Variants in SLC7A6 observed in about 807,000 individuals in gnomAD.
SLC7A6 encodes solute carrier family 7 member 6.
In SLC7A6, 29 loss-of-function variants were observed where a neutral mutation model predicts 46.6. The observed-to-expected ratio is 0.62, with a 90% CI of 0.46 to 0.85. The LOEUF (loss-of-function observed/expected upper bound fraction) is 0.85, where lower values mean the gene tolerates loss of function less well. Ranked by LOEUF, SLC7A6 falls within the 40% of genes least tolerant of loss-of-function variation. SLC7A6 has a pLI of 0.00. For missense variants in SLC7A6, 527 were observed against 647.6 expected (o/e 0.81, Z 2.02); for synonymous variants, 276 against 257.3 (o/e 1.07, Z -0.70).
chr16:68,291,941 C>A lies in SLC7A6; in HGVS notation c.1022+280C>A, dbSNP rs1015737179. ...ATAGCTCATATTTATGTGCTGGTAG[C>A]TCATATTTTGTGTGCTGGTAGCTCA... On this transcript the variant is annotated intron_variant, in intron 7 of 10. Transcript: ENST00000219343. The A allele has an allele frequency of 1.9e-5, 7 of 363,246 alleles. No individual in the cohort carries two copies. The Admixed American group carries it at 2.7e-4, about 14-fold the overall frequency. 22.5% of individuals were successfully genotyped at this position (363,246 alleles called of 1,614,324 possible).
chr16:68,268,657 G>C (rs1447880304), intron 2 of SLC7A6, among the ~76,000 whole-genome samples: 2 of 152,188 alleles, frequency 1.3e-5, no homozygotes, highest in Non-Finnish European at 2.9e-5. Context: ...TTGGTAGTCT[G>C]TTAAATTCCT....
rs1451970457 is a variant in SLC7A6, at chr16:68,301,454, A to ACTGCAGGAGCCCCTTCT, written c.*4129_*4145dup. ...ATTCTAAATGTGATTTTCCTAGGCT[A>ACTGCAGGAGCCCCTTCT]CTGCAGGAGCCCCTTCTCTTCTCAG... On this transcript the variant is annotated 3_prime_UTR_variant, in exon 11 of 11. Transcript: ENST00000219343. 6.4e-7 allele frequency: 1 copy of ACTGCAGGAGCCCCTTCT among 1,560,214 alleles called. No individual in the cohort carries two copies. Among genetic ancestry groups the ACTGCAGGAGCCCCTTCT allele is most frequent in the Non-Finnish European group, 8.8e-7 (1 of 1,138,770 alleles).
intron 2 of SLC7A6, among the ~76,000 whole-genome samples, chr16:68,266,960 T>C (rs1411152587): frequency 2.0e-5 from 3 of 151,874 alleles, no homozygotes; most frequent in Non-Finnish European, 4.4e-5. Flanking sequence ...TTGGAGACAG[T>C]GTCTCACTCT....
chr16:68,297,558 G>T lies in SLC7A6; in HGVS notation c.*230G>T. The stretch of plus-strand genomic sequence containing the variant: ...TGGGGGGAAGATTGGGGAACGGGGG[G>T]AATGGTCATTTAGTTTTACTCCTGA... On this transcript the variant is annotated 3_prime_UTR_variant, in exon 11 of 11. Coordinates refer to ENST00000219343, the MANE Select transcript of SLC7A6 (RefSeq NM_003983.6). The T allele has an allele frequency of 2.8e-6, 1 of 356,896 alleles. No homozygotes were observed. The highest frequency in any genetic ancestry group is 5.1e-6 in the Non-Finnish European group (1 of 195,568). 22.1% of individuals were successfully genotyped at this position (356,896 alleles called of 1,614,324 possible).
chr16:68,293,760 G>A (rs566956483), intron 7 of SLC7A6, among the ~76,000 whole-genome samples: 5 of 152,258 alleles, frequency 3.3e-5, no homozygotes, highest in South Asian at 4.1e-4. Context: ...TCCACCTACC[G>A]ACTTGCTTCT....
At chr16:68,293,381 G>A (rs912235342) in intron 7 of SLC7A6, among the ~76,000 whole-genome samples, 18 of 152,174 alleles carry the variant, frequency 1.2e-4, no homozygotes, top group East Asian at 9.6e-4. Context: ...CCGAGATCGC[G>A]CCATTGAACT....
rs142221074 is a variant in SLC7A6, at chr16:68,266,392, C to T, written c.-165-201C>T. Among the ~76,000 whole-genome samples the T allele has an allele frequency of 1.4e-4, 22 of 152,342 alleles. No individual in the cohort carries two copies. In the East Asian group the frequency reaches 2.1e-3, roughly 15 times the overall value. ...TTGGGCTGGCTACTTCAGTTATACC[C>T]ACCCTGTGGGTGTCATGGAACCTGC... is the stretch of plus-strand genomic sequence containing the variant. On this transcript the variant is annotated intron_variant, in intron 1 of 10. Transcript: ENST00000219343.
intron 2 of SLC7A6, 144 bp from the exon 3 acceptor site, chr16:68,274,547 T>C: frequency 3.1e-6 from 2 of 653,012 alleles, no homozygotes; most frequent in South Asian, 3.9e-5. Flanking sequence ...CTGTGTTCTA[T>C]GGTGGGAACT....
In SLC7A6 at chr16:68,275,152, C is replaced by G. The variant is rs1416657452; in HGVS notation, c.426C>G (p.Ile142Met). The G allele has an allele frequency of 1.2e-6, 2 of 1,614,036 alleles. No individual in the cohort carries two copies. Among genetic ancestry groups the G allele is most frequent in the African/African-American group, 2.7e-5 (2 of 74,890 alleles). ...LLVVEPTGQA[I>M]IAITFANYII... ...TTGTTGAGCCCACCGGTCAGGCCAT[C>G]ATCGCCATCACCTTTGCCAACTACA... is the stretch of plus-strand genomic sequence containing the variant. The change falls in exon 3 of 11, where the codon ATC becomes ATG. Residue 142 changes from isoleucine (I) to methionine (M), a missense_variant. Physicochemically the swap from Ile to Met is conservative, Grantham distance 10. Transcript: ENST00000219343.
chr16:68,299,999 A>C lies in SLC7A6; in HGVS notation c.*2671A>C, dbSNP rs551056535. On this transcript the variant is annotated 3_prime_UTR_variant, in exon 11 of 11. Coordinates refer to ENST00000219343, the MANE Select transcript of SLC7A6 (RefSeq NM_003983.6). ...GAAGGAGAGATACTTAGGAAATCCT[A>C]AAAGAGGCGGCAAGAAGGTACCTCC... is the stretch of plus-strand genomic sequence containing the variant. 6.6e-6 allele frequency: 1 copy of C among 152,310 alleles called. No homozygotes were observed. The highest frequency in any genetic ancestry group is 2.1e-4 in the South Asian group (1 of 4,826). 9.4% of individuals were successfully genotyped at this position (152,310 alleles called of 1,614,324 possible). A position where few individuals can be genotyped will look rare whatever the true frequency, so the allele number is the denominator to read the frequency against.
At position 68,300,209 on chromosome 16, in the gene SLC7A6, G is replaced by A. The variant is rs1035258900; in HGVS notation, c.*2881G>A. ...ATTAAAAGCTCAGTTTCTCAGTTGCGCTAATCACATTTCAAGTGCTCAGCA... is the reference window on the plus strand; with the variant it reads ...ATTAAAAGCTCAGTTTCTCAGTTGCACTAATCACATTTCAAGTGCTCAGCA... On this transcript the variant is annotated 3_prime_UTR_variant, in exon 11 of 11. Coordinates refer to ENST00000219343, the MANE Select transcript of SLC7A6 (RefSeq NM_003983.6). The A allele has an allele frequency of 6.6e-6, 1 of 152,164 alleles. No homozygotes were observed. The highest frequency in any genetic ancestry group is 2.1e-4 in the South Asian group (1 of 4,828). 9.4% of individuals were successfully genotyped at this position (152,164 alleles called of 1,614,324 possible). A position where few individuals can be genotyped will look rare whatever the true frequency, so the allele number is the denominator to read the frequency against.
At chr16:68,275,909 C>T (rs1363888032) in intron 3 of SLC7A6, among the ~76,000 whole-genome samples, 1 of 151,966 alleles carries the variant, frequency 6.6e-6, no homozygotes, top group Non-Finnish European at 1.5e-5. Flanking sequence ...CAGAAAAAAA[C>T]CCCACCAGTG....
chr16:68,278,960 C>T lies in SLC7A6; in HGVS notation c.523+3711C>T, dbSNP rs909291907. Among the ~76,000 whole-genome samples, 10 of 151,904 alleles carry T rather than the reference C, an allele frequency of 6.6e-5. No homozygotes were observed. In the South Asian group the frequency reaches 8.3e-4, roughly 13 times the overall value. ...AGGCGCCCCCCACCTCCCTCCCGGA[C>T]AGGGCGGCTGGCCGGGCAGGGGCTG... On this transcript the variant is annotated intron_variant, in intron 3 of 10. Coordinates refer to ENST00000219343, the MANE Select transcript of SLC7A6 (RefSeq NM_003983.6).
chr16:68,289,369 A>G (rs2043002224), intron 4 of SLC7A6, among the ~76,000 whole-genome samples: 1 of 152,198 alleles, frequency 6.6e-6, no homozygotes, highest in South Asian at 2.1e-4. Flanking sequence ...CTGTGTACTT[A>G]TATCAAGTTA....
At chr16:68,291,506 AG>A (rs1420327061) in intron 6 of SLC7A6, 51 bp from the exon 7 acceptor site, 1 of 1,594,308 alleles carries the variant, frequency 6.3e-7, no homozygotes, top group African/African-American at 1.3e-5. Flanking sequence ...TAGATGCAGG[AG>A]GATTATGAAA....
chr16:68,300,693 A>C lies in SLC7A6; in HGVS notation c.*3365A>C. On this transcript the variant is annotated 3_prime_UTR_variant, in exon 11 of 11. Coordinates refer to ENST00000219343, the MANE Select transcript of SLC7A6 (RefSeq NM_003983.6). ...TGTTTCTTGGCCCCACTGCCAAAGGAAGTCAGTCAGTAATTTCACAACCGT... is the reference window on the plus strand; with the variant it reads ...TGTTTCTTGGCCCCACTGCCAAAGGCAGTCAGTCAGTAATTTCACAACCGT... The C allele has an allele frequency of 5.1e-6, 5 of 985,476 alleles. No individual in the cohort carries two copies. The highest frequency in any genetic ancestry group is 4.8e-6 in the Non-Finnish European group (4 of 829,950). The allele number at this position is 985,476 out of a possible 1,614,324, so 61.0% of individuals were successfully genotyped here. A position where few individuals can be genotyped will look rare whatever the true frequency, so the allele number is the denominator to read the frequency against.
chr16:68,290,238 T>C (rs963200705), intron 4 of SLC7A6, 158 bp from the exon 5 acceptor site: 2 of 728,334 alleles, frequency 2.7e-6, no homozygotes, highest in African/African-American at 3.6e-5. Context: ...CTTCTTGTTT[T>C]TTCTTTCTTG....
chr16:68,287,895 C>T (rs1221576716), intron 4 of SLC7A6, 24 bp downstream of exon 4: 2 of 1,609,636 alleles, frequency 1.2e-6, no homozygotes. Flanking sequence ...AGGGGGGTAC[C>T]ACCAACAGTT....
chr16:68,265,260 C>A (rs914433810), intron 1 of SLC7A6, among the ~76,000 whole-genome samples: 1 of 152,158 alleles, frequency 6.6e-6, no homozygotes, highest in African/African-American at 2.4e-5. Context: ...TTTTGAGCGT[C>A]CCTATAGCCT....
Sources: gnomAD v4.1 joint callset for allele counts (sites outside exome capture counted in the v4.1 genomes callset) on GRCh38, gnomAD v4.1.1 for gene constraint, MANE v1.5 for transcripts, NCBI Gene and HGNC (gene_info 2026-07-23, HGNC 2026-07-21) for gene names.